KCNJ6: variants seen among roughly 807,000 people sequenced by gnomAD.
The protein encoded by KCNJ6 is potassium inwardly rectifying channel subfamily J member 6, also known as G protein-activated inward rectifier potassium channel 2.
A neutral mutation model predicts 34.2 loss-of-function variants in KCNJ6; 9 were observed. That is an observed-to-expected ratio of 0.26 (90% CI 0.16 to 0.46). The LOEUF (loss-of-function observed/expected upper bound fraction) is 0.46, where lower values mean the gene tolerates loss of function less well. Among genes scored for constraint, KCNJ6 ranks in the 20% least tolerant of loss-of-function variants. The pLI, the probability that KCNJ6 is intolerant of heterozygous loss-of-function variation, is 1.00. For missense variants in KCNJ6, 236 were observed against 531.3 expected (o/e 0.44, Z 5.46); for synonymous variants, 196 against 207.1 (o/e 0.95, Z 0.46).
At chr21:37,765,744 A>T (rs2055087657) in intron 2 of KCNJ6, among the ~76,000 whole-genome samples, 5 of 152,230 alleles carry the variant, frequency 3.3e-5, no homozygotes. Flanking sequence ...GAAGTTGTTC[A>T]AGTCAATGAA....
At chr21:37,703,415 T>C (rs2054702051) in intron 3 of KCNJ6, among the ~76,000 whole-genome samples, 1 of 152,172 alleles carries the variant, frequency 6.6e-6, no homozygotes, top group South Asian at 2.1e-4. Flanking sequence ...TCGGTCTGAT[T>C]GCTTCTATTT....
chr21:37,747,198 G>GT (rs1425031301), intron 2 of KCNJ6, among the ~76,000 whole-genome samples: 2 of 152,166 alleles, frequency 1.3e-5, no homozygotes, highest in Non-Finnish European at 2.9e-5. Flanking sequence ...GAAATGATCT[G>GT]TTTTTTCCCA....
Position 37,715,005 on chromosome 21 carries a change from C to T in KCNJ6, c.152G>A (p.Arg51Lys), listed in dbSNP as rs762813268. The change falls in exon 3 of 4, where the codon AGG becomes AAG. Residue 51 changes from arginine to lysine, a missense_variant. By Grantham distance (26) the Arg-to-Lys change is conservative. Around this residue, in one of 5 missense-constraint regions of KCNJ6, gnomAD observed 64 missense variants for 68.9 expected, o/e 0.93. Transcript: ENST00000609713. ...TTTCCTCACGTACCTCTGGATTTTC[C>T]TTTTGGTCCGATCTCGGCTGATGTG... is the stretch of plus-strand genomic sequence containing the variant. Reference protein sequence around the residue: ...PRHISRDRTKRKIQRYVRKDG... With the variant: ...PRHISRDRTKKKIQRYVRKDG... The T allele has an allele frequency of 1.9e-6, 3 of 1,614,216 alleles. 1 individual carries two copies. The South Asian group carries it at 3.3e-5, about 18-fold the overall frequency.
intron 3 of KCNJ6, among the ~76,000 whole-genome samples, chr21:37,643,476 C>T (rs543925292): frequency 6.6e-6 from 1 of 152,274 alleles, no homozygotes; most frequent in Non-Finnish European, 1.5e-5. Context: ...TACCCTTGCT[C>T]CTGGAAAAGG....
intron 3 of KCNJ6, among the ~76,000 whole-genome samples, chr21:37,707,501 A>G (rs1196609486): frequency 1.3e-5 from 2 of 152,184 alleles, no homozygotes; most frequent in African/African-American, 2.4e-5. Context: ...AGGGAAGGGA[A>G]CAACTGTGGC....
At chr21:37,743,296 ATATG>A (rs572308522) in intron 2 of KCNJ6, among the ~76,000 whole-genome samples, 250 of 152,258 alleles carry the variant, frequency 1.6e-3, no homozygotes, top group African/African-American at 5.7e-3. Context: ...GGATGCAATC[ATATG>A]TATGTATGTG....
chr21:37,789,665 G>A (rs1300194835), intron 2 of KCNJ6, among the ~76,000 whole-genome samples: 4 of 152,174 alleles, frequency 2.6e-5, no homozygotes, highest in African/African-American at 7.2e-5. Context: ...CTAGGTCTTC[G>A]ACGGCATCCT....
chr21:37,788,040 G>C (rs1299126765), intron 2 of KCNJ6, among the ~76,000 whole-genome samples: 1 of 152,176 alleles, frequency 6.6e-6, no homozygotes, highest in Non-Finnish European at 1.5e-5. Context: ...AGTACCTATT[G>C]TGTGCAAAAA....
chr21:37,905,978 T>C (rs2055839700), intron 1 of KCNJ6, among the ~76,000 whole-genome samples: 1 of 152,264 alleles, frequency 6.6e-6, no homozygotes, highest in Non-Finnish European at 1.5e-5. Context: ...TCTGCTGTGA[T>C]AAGCCCTCTA....
intron 2 of KCNJ6, among the ~76,000 whole-genome samples, chr21:37,779,812 T>A (rs1175223039): frequency 6.6e-6 from 1 of 152,222 alleles, no homozygotes; most frequent in African/African-American, 2.4e-5. Context: ...ACAAGTGAGG[T>A]TGTATGTACT....
rs2054254430 is a variant in KCNJ6, at chr21:37,614,438, C to CTGTGTGTATGCATGTGTCTGTCTGCGTG, written c.*10720_*10721insCACGCAGACAGACACATGCATACACACA. 1.7e-5 allele frequency: 2 copies of CTGTGTGTATGCATGTGTCTGTCTGCGTG among 117,102 alleles called. No individual in the cohort carries two copies. Among genetic ancestry groups the CTGTGTGTATGCATGTGTCTGTCTGCGTG allele is most frequent in the Admixed American group, 8.5e-5 (1 of 11,792 alleles). 7.3% of individuals were successfully genotyped at this position (117,102 alleles called of 1,614,324 possible). On this transcript the variant is annotated 3_prime_UTR_variant, in exon 4 of 4. Transcript: ENST00000609713. ...TGTCTGTGTGAGTATGCGTGTATCT[C>CTGTGTGTATGCATGTGTCTGTCTGCGTG]TGTGTGTATGCATGTGTCTGTGTCT...
intron 2 of KCNJ6, among the ~76,000 whole-genome samples, chr21:37,801,370 C>T (rs2055268550): frequency 6.6e-6 from 1 of 152,182 alleles, no homozygotes; most frequent in Admixed American, 6.5e-5. Flanking sequence ...TGGAGAACCC[C>T]ATCCTGCACA....
chr21:37,801,710 C>G (rs946332386), intron 2 of KCNJ6, among the ~76,000 whole-genome samples: 6 of 150,578 alleles, frequency 4.0e-5, no homozygotes, highest in African/African-American at 1.5e-4. Flanking sequence ...TAAGGCATTT[C>G]CCCTCCTAGG....
intron 2 of KCNJ6, among the ~76,000 whole-genome samples, chr21:37,795,638 G>A (rs369489160): frequency 2.6e-5 from 4 of 151,564 alleles, no homozygotes; most frequent in Non-Finnish European, 4.4e-5. Context: ...CCAGCTACTC[G>A]GGAGGCTGAG....
At chr21:37,654,742 A>C (rs1026696747) in intron 3 of KCNJ6, among the ~76,000 whole-genome samples, 2 of 152,170 alleles carry the variant, frequency 1.3e-5, no homozygotes, top group African/African-American at 4.8e-5. Flanking sequence ...GACAGAGCAA[A>C]TTCATGGAAG....
chr21:37,885,511 G>C (rs2055731090), intron 1 of KCNJ6, among the ~76,000 whole-genome samples: 1 of 152,186 alleles, frequency 6.6e-6, no homozygotes, highest in Admixed American at 6.5e-5. Context: ...GGGCAGACCT[G>C]AGCACTTCAA....
intron 3 of KCNJ6, among the ~76,000 whole-genome samples, chr21:37,666,928 T>A (rs1359764605): frequency 6.6e-6 from 1 of 151,036 alleles, no homozygotes; most frequent in African/African-American, 2.4e-5. Flanking sequence ...AAGATGTGCT[T>A]TGTTAAACAG....
At chr21:37,691,858 C>A (rs1209057582) in intron 3 of KCNJ6, among the ~76,000 whole-genome samples, 1 of 152,118 alleles carries the variant, frequency 6.6e-6, no homozygotes, top group Non-Finnish European at 1.5e-5. Flanking sequence ...GGGACATGAA[C>A]ATATTCATTC....
chr21:37,632,687 TAGAAA>T (rs1244945923), intron 3 of KCNJ6, among the ~76,000 whole-genome samples: 3 of 146,864 alleles, frequency 2.0e-5, no homozygotes, highest in African/African-American at 7.3e-5. Flanking sequence ...TACATAACTT[TAGAAA>T]CAGCAGAGAC....
Sources: allele counts gnomAD v4.1 joint callset (sites outside exome capture counted in the v4.1 genomes callset), GRCh38; gene constraint gnomAD v4.1.1; regional missense constraint gnomAD v4.1.1; transcripts MANE v1.5; gene names NCBI Gene and HGNC (gene_info 2026-07-23, HGNC 2026-07-21).